Variants in RPS6KC1 observed in about 807,000 individuals in gnomAD.
RPS6KC1 encodes the protein inactive ribosomal protein S6 kinase delta-1.
Under a neutral mutation model 103.8 loss-of-function variants are expected in RPS6KC1, and 54 were observed. That is an observed-to-expected ratio of 0.52 (90% CI 0.42 to 0.65). The LOEUF (loss-of-function observed/expected upper bound fraction) is 0.65. Among genes scored for constraint, RPS6KC1 ranks in the 30% least tolerant of loss-of-function variants. RPS6KC1 has a pLI of 0.00. For synonymous variants in RPS6KC1, 439 were observed against 438.7 expected, an observed-to-expected ratio of 1.00 and a Z score of -0.01; for missense variants, 1,151 against 1,253.8, an observed-to-expected ratio of 0.92 and a Z score of 1.24.
At chr1:213,418,826 C>T in the RPS6KC1 span, among the ~76,000 whole-genome samples, 10 of 152,312 alleles carry the variant, frequency 6.6e-5, no homozygotes, top group East Asian at 1.9e-3. Flanking sequence ...TTTTCTAGCC[C>T]TCTCAGGTGA....
At chr1:213,690,756 A>T in the RPS6KC1 span, among the ~76,000 whole-genome samples, 1 of 152,230 alleles carries the variant, frequency 6.6e-6, no homozygotes, top group Non-Finnish European at 1.5e-5. Flanking sequence ...ATAAGAATAC[A>T]GTATCTATCA....
At chr1:213,107,605 G>A (rs1391216892) in intron 4 of RPS6KC1, among the ~76,000 whole-genome samples, 1 of 152,168 alleles carries the variant, frequency 6.6e-6, no homozygotes, top group African/African-American at 2.4e-5. Context: ...GACTAATGCT[G>A]CTGTGAATAT....
the RPS6KC1 span, among the ~76,000 whole-genome samples, chr1:213,508,995 G>A: frequency 6.6e-6 from 1 of 152,196 alleles, no homozygotes; most frequent in East Asian, 1.9e-4. Context: ...ATCCTTGGAG[G>A]TGATGTCATG....
At chr1:213,061,727 C>T (rs1245514980) in intron 1 of RPS6KC1, among the ~76,000 whole-genome samples, 2 of 152,034 alleles carry the variant, frequency 1.3e-5, no homozygotes, top group Non-Finnish European at 2.9e-5. Context: ...TACCTAATCA[C>T]CACAAGGAGA....
chr1:213,121,963 A>G (rs1341619759), intron 5 of RPS6KC1, among the ~76,000 whole-genome samples: 5 of 152,120 alleles, frequency 3.3e-5, no homozygotes, highest in African/African-American at 9.7e-5. Context: ...GAACTCCTCA[A>G]GTGCTTATTG....
intron 6 of RPS6KC1, among the ~76,000 whole-genome samples, chr1:213,156,190 A>G (rs1197824221): frequency 1.3e-5 from 2 of 152,216 alleles, no homozygotes; most frequent in Admixed American, 6.5e-5. Context: ...CTGAACTTCT[A>G]TAGGTAGCAT....
At chr1:213,377,085 T>A in the RPS6KC1 span, among the ~76,000 whole-genome samples, 4 of 152,142 alleles carry the variant, frequency 2.6e-5, no homozygotes, top group Non-Finnish European at 5.9e-5. Context: ...GGGATGTTGG[T>A]GGTTTGCAAC....
the RPS6KC1 span, among the ~76,000 whole-genome samples, chr1:213,320,482 G>T: frequency 3.3e-5 from 5 of 152,206 alleles, no homozygotes; most frequent in Admixed American, 6.5e-5. Flanking sequence ...GTCACCCCAG[G>T]TATTGGTTTG....
chr1:213,844,763 A>G, the RPS6KC1 span, among the ~76,000 whole-genome samples: 1 of 152,224 alleles, frequency 6.6e-6, no homozygotes, highest in East Asian at 1.9e-4. Context: ...ATATGAATGG[A>G]GAAAGGCTAT....
chr1:213,343,391 GTATATATATATATATATATATATA>G, the RPS6KC1 span, among the ~76,000 whole-genome samples: 24,199 of 65,892 alleles, frequency 0.37, 5,261 homozygotes, highest in Middle Eastern at 0.47. Context: ...AGTGTTGTGT[GTATATATATATATATATATATATA>G]TATATATATA....
intron 7 of RPS6KC1, among the ~76,000 whole-genome samples, chr1:213,172,710 AGAT>A (rs1453397520): frequency 6.6e-6 from 1 of 152,204 alleles, no homozygotes; most frequent in Non-Finnish European, 1.5e-5. Context: ...GGATTAACAG[AGAT>A]GCCTGCCGTG....
chr1:213,679,115 GA>G, the RPS6KC1 span, among the ~76,000 whole-genome samples: 1 of 152,180 alleles, frequency 6.6e-6, no homozygotes, highest in East Asian at 1.9e-4. Flanking sequence ...CCAGGGGAAG[GA>G]AGTGAGAACT....
At chr1:213,589,090 A>G in the RPS6KC1 span, among the ~76,000 whole-genome samples, 1 of 152,092 alleles carries the variant, frequency 6.6e-6, no homozygotes, top group Admixed American at 6.5e-5. Flanking sequence ...CTCCCTGGTG[A>G]GTCACCTGAG....
chr1:213,751,035 GTTC>G, the RPS6KC1 span, among the ~76,000 whole-genome samples: 7 of 152,142 alleles, frequency 4.6e-5, no homozygotes, highest in East Asian at 3.9e-4. Context: ...GTCACTCTTT[GTTC>G]TTCTTCTTGG....
chr1:213,745,174 G>C, the RPS6KC1 span, among the ~76,000 whole-genome samples: 2 of 151,980 alleles, frequency 1.3e-5, no homozygotes, highest in East Asian at 1.9e-4. Context: ...AAGAAAAATA[G>C]GTTGAAGGAA....
chr1:213,185,438 G>A (rs2092476931), intron 8 of RPS6KC1, among the ~76,000 whole-genome samples: 1 of 152,122 alleles, frequency 6.6e-6, no homozygotes, highest in Admixed American at 6.6e-5. Flanking sequence ...CCTGAGGTCA[G>A]GAATTTGAGA....
the RPS6KC1 span, among the ~76,000 whole-genome samples, chr1:213,838,455 G>A: frequency 4.6e-5 from 7 of 152,076 alleles, no homozygotes; most frequent in Non-Finnish European, 1.0e-4. Context: ...AGTGATGGCT[G>A]GAGCTGAAGC....
chr1:213,501,850 A>G, the RPS6KC1 span, among the ~76,000 whole-genome samples: 1 of 152,256 alleles, frequency 6.6e-6, no homozygotes, highest in Non-Finnish European at 1.5e-5. Context: ...TTGATTTTTA[A>G]TCTATCTTAA....
At chr1:213,400,807 C>T in the RPS6KC1 span, among the ~76,000 whole-genome samples, 2 of 151,750 alleles carry the variant, frequency 1.3e-5, no homozygotes, top group African/African-American at 2.4e-5. Context: ...TCCAGGTTCA[C>T]GCCATTCTCC....
Sources: allele counts gnomAD v4.1 joint callset (sites outside exome capture counted in the v4.1 genomes callset), GRCh38; gene constraint gnomAD v4.1.1; transcripts MANE v1.5; gene names NCBI Gene and HGNC (gene_info 2026-07-23, HGNC 2026-07-21).